Variants in RGS22 observed in about 807,000 individuals in gnomAD.
RGS22 encodes the protein regulator of G protein signaling 22, also known as regulator of G-protein signaling 22.
In RGS22, 148 loss-of-function variants were observed where a neutral mutation model predicts 172.9. That is an observed-to-expected ratio of 0.86 (90% confidence interval 0.75 to 0.98). RGS22 has a LOEUF of 0.98. Ranked by LOEUF, RGS22 falls within the 50% of genes least tolerant of loss-of-function variation. The pLI is 0.00. For synonymous variants in RGS22, 458 were observed against 480.2 expected, an observed-to-expected ratio of 0.95 and a Z score of 0.60; for missense variants, 1,347 against 1,440.8, an observed-to-expected ratio of 0.93 and a Z score of 1.05.
chr8:100,016,597 G>A (rs1029651487), intron 14 of RGS22, among the ~76,000 whole-genome samples: 2 of 152,018 alleles, frequency 1.3e-5, no homozygotes, highest in Non-Finnish European at 2.9e-5. Context: ...CTAACATGGT[G>A]AAACCCTGTC....
At chr8:100,038,203 A>G (rs1374414846) in intron 14 of RGS22, among the ~76,000 whole-genome samples, 1 of 152,226 alleles carries the variant, frequency 6.6e-6, no homozygotes, top group Non-Finnish European at 1.5e-5. Context: ...ATAAAAGATC[A>G]GAAGAGCCTG....
At chr8:99,996,413 T>C in intron 20 of RGS22, 49 bp downstream of exon 20, 2 of 1,500,564 alleles carry the variant, frequency 1.3e-6, no homozygotes, top group South Asian at 1.1e-5. Context: ...AAACAATACT[T>C]TGACAGAGCA....
chr8:100,074,728 T>G (rs188424273), intron 4 of RGS22, among the ~76,000 whole-genome samples: 4 of 152,288 alleles, frequency 2.6e-5, no homozygotes, highest in Admixed American at 2.6e-4. Context: ...TATAGACGTT[T>G]ACATGCAGGG....
intron 10 of RGS22, among the ~76,000 whole-genome samples, chr8:100,049,936 C>G (rs965689514): frequency 1.3e-5 from 2 of 151,622 alleles, no homozygotes; most frequent in African/African-American, 2.4e-5. Flanking sequence ...GTAGTACCAG[C>G]TACTTGGGAG....
chr8:100,053,071 A>G (rs188212540), intron 9 of RGS22, 95 bp from the exon 10 acceptor site: 7 of 1,131,594 alleles, frequency 6.2e-6, no homozygotes, highest in African/African-American at 4.6e-5. Flanking sequence ...CTCACAATTA[A>G]CAGTCTTGCC....
Position 99,999,276 on chromosome 8 carries a change from G to A in RGS22, c.2935C>T (p.Arg979Cys), listed in dbSNP as rs748996221. The change falls in exon 19 of 28, where the codon CGT (arginine) becomes TGT (cysteine). Residue 979 changes from arginine (R) to cysteine (C), a missense_variant. By Grantham distance (180) the Arg-to-Cys change is radical (BLOSUM62 -3). Coordinates refer to ENST00000360863, the MANE Select transcript of RGS22 (RefSeq NM_015668.5). ...AATTTATATACCTTTATCTTCTGAC[G>A]TGCTGCAAACTGTTCACTTGCAAGA... ...LFLASEQFAA[R>C]QKIKVQMKDI... The A allele has an allele frequency of 1.4e-5, 22 of 1,613,164 alleles. No homozygotes were observed. The highest frequency in any genetic ancestry group is 4.5e-5 in the East Asian group (2 of 44,846).
chr8:100,098,360 A>G (rs1488479259), intron 2 of RGS22, among the ~76,000 whole-genome samples: 1 of 152,216 alleles, frequency 6.6e-6, no homozygotes, highest in Non-Finnish European at 1.5e-5. Context: ...TAATTAAAAG[A>G]AGAGATATTG....
chr8:100,030,235 C>A (rs1174684402), intron 14 of RGS22, among the ~76,000 whole-genome samples: 2 of 152,160 alleles, frequency 1.3e-5, no homozygotes, highest in African/African-American at 2.4e-5. Flanking sequence ...TGTAAACAAA[C>A]CTATTGCACT....
intron 20 of RGS22, among the ~76,000 whole-genome samples, chr8:99,990,950 G>A (rs997561395): frequency 6.6e-6 from 1 of 152,192 alleles, no homozygotes; most frequent in East Asian, 1.9e-4. Flanking sequence ...TGCAGCCTCC[G>A]CTGGTGATAC....
chr8:100,027,748 G>C (rs1563635405), intron 14 of RGS22, among the ~76,000 whole-genome samples: 1 of 152,138 alleles, frequency 6.6e-6, no homozygotes, highest in African/African-American at 2.4e-5. Flanking sequence ...CTCCCAAAGT[G>C]CTGGGATTAT....
intron 4 of RGS22, among the ~76,000 whole-genome samples, chr8:100,079,049 G>A (rs1324195858): frequency 6.6e-6 from 1 of 152,178 alleles, no homozygotes; most frequent in Non-Finnish European, 1.5e-5. Context: ...AGATCTTTTT[G>A]AGAAACTTGT....
chr8:100,063,926 G>A lies in RGS22; in HGVS notation c.842C>T (p.Ser281Phe), dbSNP rs746451297. The change falls in exon 8 of 28, where the codon TCT becomes TTT. Residue 281 changes from serine (S) to phenylalanine (F), a missense_variant. Coordinates refer to ENST00000360863, the MANE Select transcript of RGS22 (RefSeq NM_015668.5). ...EEGEEEEVSV[S>F]LQDTPSQALL... ...AGCTTGAGAAGGAGTGTCTTGTAGA[G>A]ATACAGACACCTCTTCTTCTTCTCC... 1 of 1,595,994 alleles carries A rather than the reference G, an allele frequency of 6.3e-7. No homozygotes were observed. Among genetic ancestry groups the A allele is most frequent in the Non-Finnish European group, 8.5e-7 (1 of 1,171,216 alleles).
chr8:100,022,534 C>T (rs1817699048), intron 14 of RGS22, among the ~76,000 whole-genome samples: 1 of 151,692 alleles, frequency 6.6e-6, no homozygotes, highest in African/African-American at 2.4e-5. Flanking sequence ...AATAAACAAG[C>T]ACACAGAAAA....
In RGS22 at chr8:100,029,719, A is replaced by G. The variant is rs201440422; in HGVS notation, c.2166+9212T>C. Among the ~76,000 whole-genome samples the G allele has an allele frequency of 1.9e-3, 292 of 150,912 alleles. 2 individuals carry two copies. The highest frequency in any genetic ancestry group is 3.5e-3 in the South Asian group (17 of 4,812). On this transcript the variant is annotated intron_variant, in intron 14 of 27. Coordinates refer to ENST00000360863, the MANE Select transcript of RGS22 (RefSeq NM_015668.5). Reference sequence around the variant, plus strand: ...CTCCGTCTCAAAAAAAAAAAAAAAAAAAAAGAAAAAAAGAAACCATGGCAT... The same window carrying G: ...CTCCGTCTCAAAAAAAAAAAAAAAAGAAAAGAAAAAAAGAAACCATGGCAT...
intron 3 of RGS22, among the ~76,000 whole-genome samples, chr8:100,086,146 G>A (rs980490293): frequency 6.6e-6 from 1 of 151,936 alleles, no homozygotes; most frequent in African/African-American, 2.4e-5. Flanking sequence ...AGATAAAGGA[G>A]CATGACACCT....
chr8:100,020,464 A>G (rs873197), intron 14 of RGS22, among the ~76,000 whole-genome samples: 2,918 of 152,314 alleles, frequency 0.019, 89 homozygotes, highest in East Asian at 0.11. Context: ...AGCATAAGTG[A>G]GTGGTTCATA....
intron 9 of RGS22, among the ~76,000 whole-genome samples, chr8:100,060,535 C>T (rs370990843): frequency 3.1e-4 from 47 of 151,106 alleles, no homozygotes; most frequent in African/African-American, 1.1e-3. Flanking sequence ...TACCCCTATT[C>T]ACAACTGCCA....
At chr8:100,104,589 T>C (rs1813777117) in intron 2 of RGS22, among the ~76,000 whole-genome samples, 4 of 152,170 alleles carry the variant, frequency 2.6e-5, no homozygotes, top group Admixed American at 2.6e-4. Flanking sequence ...TAGTCCCTGC[T>C]AGACTGTGAA....
At chr8:100,076,819 C>T (rs1266815435) in intron 4 of RGS22, among the ~76,000 whole-genome samples, 2 of 152,072 alleles carry the variant, frequency 1.3e-5, no homozygotes, top group African/African-American at 4.8e-5. Flanking sequence ...ATGGCAAAAC[C>T]CCATCTCTAC....
Sources: gnomAD v4.1 joint callset for allele counts (sites outside exome capture counted in the v4.1 genomes callset) on GRCh38, gnomAD v4.1.1 for gene constraint, MANE v1.5 for transcripts, NCBI Gene and HGNC (gene_info 2026-07-23, HGNC 2026-07-21) for gene names.